The following DAB1 variants were observed in gnomAD, a reference collection of about 807,000 sequenced individuals.
The protein encoded by DAB1 is disabled homolog 1.
DAB1 carries 15 observed loss-of-function variants against 64.6 expected under a neutral mutation model. The ratio of observed to expected loss-of-function variants is 0.23; its 90% confidence interval spans 0.16 to 0.36. DAB1 has a LOEUF of 0.36. Among genes scored for constraint, DAB1 ranks in the 10% least tolerant of loss-of-function variants. The probability of loss-of-function intolerance (pLI) is 1.00; values close to 1 mark genes in which losing one functional copy is unlikely to be tolerated. For missense variants in DAB1, 596 were observed against 706.7 expected (o/e 0.84, Z 1.78); for synonymous variants, 235 against 251.9 (o/e 0.93, Z 0.64).
chr1:57,231,875 A>T (rs767172966), intron 2 of DAB1, among the ~76,000 whole-genome samples: 1 of 152,210 alleles, frequency 6.6e-6, no homozygotes, highest in Non-Finnish European at 1.5e-5. Flanking sequence ...AGTGAAGCAT[A>T]TCTGTTTCTG....
chr1:58,067,514 G>A (rs531336815), intron 5 of DAB1, among the ~76,000 whole-genome samples: 17 of 152,334 alleles, frequency 1.1e-4, no homozygotes, highest in African/African-American at 4.1e-4. Context: ...CAGCCCATCA[G>A]TAATTGGTAT....
At chr1:58,286,878 C>T (rs908391173) in intron 4 of DAB1, among the ~76,000 whole-genome samples, 1 of 152,034 alleles carries the variant, frequency 6.6e-6, no homozygotes, top group East Asian at 1.9e-4. Flanking sequence ...TGTATGTTCA[C>T]TGCAGCACTA....
chr1:57,660,074 T>TA (rs1359443832), intron 6 of DAB1, among the ~76,000 whole-genome samples: 1 of 151,626 alleles, frequency 6.6e-6, no homozygotes, highest in Non-Finnish European at 1.5e-5. Flanking sequence ...GAACACATAA[T>TA]AAAAATGAAA....
chr1:58,468,931 C>A (rs1258631190), intron 3 of DAB1: 2 of 244,134 alleles, frequency 8.2e-6, no homozygotes, highest in Non-Finnish European at 1.3e-5. Context: ...TCCATGGCCG[C>A]TACACTGTAT....
chr1:58,186,681 G>C (rs1312288619), intron 4 of DAB1, among the ~76,000 whole-genome samples: 1 of 152,198 alleles, frequency 6.6e-6, no homozygotes, highest in Non-Finnish European at 1.5e-5. Flanking sequence ...AAATTATTTA[G>C]TGTGAGAGTC....
intron 4 of DAB1, among the ~76,000 whole-genome samples, chr1:58,232,776 G>C (rs1334329715): frequency 6.6e-6 from 1 of 152,140 alleles, no homozygotes; most frequent in Admixed American, 6.5e-5. Flanking sequence ...ATCGCAGGTA[G>C]AGAAAACAGC....
chr1:57,815,436 A>C (rs1192560248), intron 6 of DAB1, among the ~76,000 whole-genome samples: 1 of 152,170 alleles, frequency 6.6e-6, no homozygotes, highest in Non-Finnish European at 1.5e-5. Flanking sequence ...ACTGGACTGA[A>C]CTGGAATGGG....
intron 7 of DAB1, among the ~76,000 whole-genome samples, chr1:57,500,933 G>A (rs1040085603): frequency 1.3e-5 from 2 of 152,192 alleles, no homozygotes; most frequent in African/African-American, 2.4e-5. Context: ...TAATTGAAAG[G>A]AAATAATGCT....
chr1:58,280,054 C>A (rs1163487255), intron 4 of DAB1, among the ~76,000 whole-genome samples: 2 of 152,030 alleles, frequency 1.3e-5, no homozygotes, highest in Admixed American at 6.6e-5. Context: ...TTACCTTCAG[C>A]CAAGCAGCAG....
At chr1:57,983,421 T>C (rs1646114891) in intron 5 of DAB1, among the ~76,000 whole-genome samples, 1 of 152,036 alleles carries the variant, frequency 6.6e-6, no homozygotes, top group Non-Finnish European at 1.5e-5. Flanking sequence ...GGGCATTGAG[T>C]GACGGGAATC....
At chr1:58,347,354 C>T (rs1414355509) in intron 3 of DAB1, among the ~76,000 whole-genome samples, 2 of 152,160 alleles carry the variant, frequency 1.3e-5, no homozygotes, top group South Asian at 2.1e-4. Context: ...GCGATTCACC[C>T]GCCTCAGCTT....
intron 7 of DAB1, among the ~76,000 whole-genome samples, chr1:57,527,906 C>T (rs909129841): frequency 1.3e-5 from 2 of 152,006 alleles, no homozygotes; most frequent in Admixed American, 1.3e-4. Flanking sequence ...GTTTTCTTGT[C>T]CCAGAATTTT....
intron 7 of DAB1, among the ~76,000 whole-genome samples, chr1:57,598,229 G>T (rs924740107): frequency 2.6e-5 from 4 of 152,198 alleles, no homozygotes; most frequent in African/African-American, 7.2e-5. Context: ...TGATCCACCC[G>T]CCTCGGCCTC....
intron 6 of DAB1, among the ~76,000 whole-genome samples, chr1:57,771,649 A>T (rs72664657): frequency 0.042 from 6,410 of 152,192 alleles, 176 homozygotes; most frequent in Middle Eastern, 0.068. Flanking sequence ...TGTTTTGGCA[A>T]ATTCGTACAC....
chr1:58,307,631 A>G (rs1453256020), intron 4 of DAB1, among the ~76,000 whole-genome samples: 2 of 152,146 alleles, frequency 1.3e-5, no homozygotes, highest in African/African-American at 4.8e-5. Context: ...GTCTCAGGCC[A>G]GAGCTAAGTC....
Position 58,514,839 on chromosome 1 carries a change from A to G in DAB1, n.108-8630T>C, listed in dbSNP as rs576974740. Among the ~76,000 whole-genome samples the G allele has an allele frequency of 1.1e-4, 16 of 152,320 alleles. No homozygotes were observed. The South Asian group carries it at 2.9e-3, about 28-fold the overall frequency. On this transcript the variant is annotated intron_variant and non_coding_transcript_variant, in intron 2 of 20. Coordinates refer to the DAB1 transcript ENST00000485760. ...TATAAGATGGAAAGTTCCCTTTCAG[A>G]AATGAATGTACCTCCACTTTGGGAG... is the stretch of plus-strand genomic sequence containing the variant.
chr1:58,441,647 T>G (rs1424781306), intron 3 of DAB1, among the ~76,000 whole-genome samples: 1 of 152,140 alleles, frequency 6.6e-6, no homozygotes, highest in African/African-American at 2.4e-5. Flanking sequence ...CTAAGGAAGT[T>G]TCTGTGTCTG....
chr1:57,661,926 G>T (rs1365720695), intron 6 of DAB1, among the ~76,000 whole-genome samples: 1 of 152,166 alleles, frequency 6.6e-6, no homozygotes, highest in South Asian at 2.1e-4. Flanking sequence ...TGAAAGGAAT[G>T]GTCCTAGTGA....
At chr1:57,276,634 G>A (rs1347127134) in intron 2 of DAB1, among the ~76,000 whole-genome samples, 1 of 152,172 alleles carries the variant, frequency 6.6e-6, no homozygotes, top group Non-Finnish European at 1.5e-5. Context: ...GGATAGGGTA[G>A]GATTTGTTTT....
Sources: allele counts gnomAD v4.1 joint callset (sites outside exome capture counted in the v4.1 genomes callset), GRCh38; gene constraint gnomAD v4.1.1; transcripts MANE v1.5; gene names NCBI Gene and HGNC (gene_info 2026-07-23, HGNC 2026-07-21).